Variants in SNTG2 observed in about 807,000 individuals in gnomAD.
The protein encoded by SNTG2 is gamma-2-syntrophin.
A neutral mutation model predicts 70.9 loss-of-function variants in SNTG2; 74 were observed. That is an observed-to-expected ratio of 1.04 (90% confidence interval 0.86 to 1.27). SNTG2 has a LOEUF of 1.27. Ranked by LOEUF, SNTG2 falls within the 50% of genes most tolerant of loss-of-function variation. The probability of loss-of-function intolerance (pLI) is 0.00; values close to 1 mark genes in which losing one functional copy is unlikely to be tolerated. For synonymous variants in SNTG2, 278 were observed against 273.8 expected, an observed-to-expected ratio of 1.02 and a Z score of -0.15; for missense variants, 717 against 690.7, an observed-to-expected ratio of 1.04 and a Z score of -0.43.
Position 1,079,364 on chromosome 2 carries a change from A to G in SNTG2, c.73-4154A>G, listed in dbSNP as rs1664133588. ...TCTCTGGAAAACTAAGGCCAATTTG[A>G]CATAATGTGTGTTAGTATAGAAGAA... On this transcript the variant is annotated intron_variant, in intron 1 of 16. Transcript: ENST00000308624. Among the ~76,000 whole-genome samples the G allele has an allele frequency of 3.9e-5, 6 of 152,226 alleles. No homozygotes were observed. The South Asian group carries it at 1.2e-3, about 32-fold the overall frequency.
intron 1 of SNTG2, among the ~76,000 whole-genome samples, chr2:1,035,604 G>C (rs62104293): frequency 0.073 from 11,085 of 152,256 alleles, 653 homozygotes; most frequent in Admixed American, 0.2. Context: ...TATGGTGTTG[G>C]TTGCTATATC....
At chr2:1,019,207 G>C (rs1660018764) in intron 1 of SNTG2, among the ~76,000 whole-genome samples, 1 of 152,166 alleles carries the variant, frequency 6.6e-6, no homozygotes, top group Non-Finnish European at 1.5e-5. Flanking sequence ...CATGTGATGG[G>C]CAATGAGGTT....
At chr2:1,305,195 T>C (rs1160732375) in intron 14 of SNTG2, among the ~76,000 whole-genome samples, 1 of 152,230 alleles carries the variant, frequency 6.6e-6, no homozygotes, top group Non-Finnish European at 1.5e-5. Flanking sequence ...CTCCATAATT[T>C]CATCAGTAGA....
chr2:1,277,547 T>G (rs549813546), intron 14 of SNTG2, among the ~76,000 whole-genome samples: 11 of 152,380 alleles, frequency 7.2e-5, no homozygotes, highest in African/African-American at 2.6e-4. Flanking sequence ...AATTTTTATA[T>G]GCACCCAGAA....
intron 6 of SNTG2, among the ~76,000 whole-genome samples, chr2:1,146,321 A>T (rs28813491): frequency 6.6e-6 from 1 of 152,232 alleles, no homozygotes; most frequent in Non-Finnish European, 1.5e-5. Flanking sequence ...AAAAGAAATA[A>T]ATTACTTAGG....
At chr2:1,258,802 T>C (rs1678260178) in intron 12 of SNTG2, among the ~76,000 whole-genome samples, 2 of 152,242 alleles carry the variant, frequency 1.3e-5, no homozygotes, top group Non-Finnish European at 2.9e-5. Flanking sequence ...ATTATTATTG[T>C]TAAAATAGTT....
At chr2:974,794 A>G (rs1385457916) in intron 1 of SNTG2, among the ~76,000 whole-genome samples, 2 of 152,088 alleles carry the variant, frequency 1.3e-5, no homozygotes, top group African/African-American at 2.4e-5. Context: ...CCTTGAAGCC[A>G]TAGTTCTGGT....
intron 7 of SNTG2, 119 bp from the exon 8 acceptor site, chr2:1,172,973 C>A: frequency 1.2e-6 from 1 of 842,416 alleles, no homozygotes; most frequent in Non-Finnish European, 2.0e-6. Context: ...CATAACTGGA[C>A]ACCAGGCATT....
intron 1 of SNTG2, among the ~76,000 whole-genome samples, chr2:1,031,844 A>G (rs1007808726): frequency 3.3e-5 from 5 of 152,114 alleles, no homozygotes; most frequent in African/African-American, 1.2e-4. Context: ...GCATAGGTCA[A>G]TCCACAGAAA....
intron 1 of SNTG2, among the ~76,000 whole-genome samples, chr2:1,074,406 G>T (rs955777957): frequency 2.0e-5 from 3 of 152,206 alleles, no homozygotes; most frequent in African/African-American, 4.8e-5. Flanking sequence ...AAGGAAGGAA[G>T]TGATGTGGTT....
chr2:1,316,879 C>T (rs1221312297), intron 16 of SNTG2, among the ~76,000 whole-genome samples: 4 of 87,526 alleles, frequency 4.6e-5, no homozygotes, highest in Admixed American at 1.2e-4. Context: ...TAGCATGAGG[C>T]CAGCATTGGA....
intron 6 of SNTG2, among the ~76,000 whole-genome samples, chr2:1,159,951 T>C (rs1386768178): frequency 6.6e-6 from 1 of 152,176 alleles, no homozygotes; most frequent in African/African-American, 2.4e-5. Flanking sequence ...TTGAAGTAGT[T>C]ACAGAACATT....
Position 1,267,492 on chromosome 2 carries a change from A to C in SNTG2, c.1205A>C (p.Asn402Thr). 1 of 1,613,918 alleles carries C rather than the reference A, an allele frequency of 6.2e-7. No individual in the cohort carries two copies. Among genetic ancestry groups the C allele is most frequent in the Non-Finnish European group, 8.5e-7 (1 of 1,179,892 alleles). ...VAGHGKSHVF[N>T]VELGSELAMW... is the part of the protein sequence containing the mutation. ...GGCCATGGGAAGAGCCATGTTTTCA[A>C]CGTGGAGCTTGGCAGCGAGCTGGCC... is the stretch of plus-strand genomic sequence containing the variant. Residue 402 changes from asparagine (N) to threonine (T), a missense_variant, in exon 14 of 17, where the codon AAC (asparagine) becomes ACC (threonine). Physicochemically the swap from Asn to Thr is moderately conservative, Grantham distance 65 (BLOSUM62 0). Transcript: ENST00000308624.
At position 1,247,431 on chromosome 2, in the gene SNTG2, C is replaced by T. The variant is rs1193373849; in HGVS notation, c.993C>T (p.Phe331=). The change falls in exon 12 of 17, where the codon TTC becomes TTT. Residue 331 remains phenylalanine (F), a synonymous_variant. Coordinates refer to ENST00000308624, the MANE Select transcript of SNTG2 (RefSeq NM_018968.4). ...LALKGPSFYV[F]STPPVSTFDW... ...TGAAGGGCCCGTCCTTCTACGTTTTCAGCACTCCTCCGGTAAGGATGCTTT... is the reference window on the plus strand; with the variant it reads ...TGAAGGGCCCGTCCTTCTACGTTTTTAGCACTCCTCCGGTAAGGATGCTTT... 1 of 1,612,252 alleles carries T rather than the reference C, an allele frequency of 6.2e-7. No individual in the cohort carries two copies. The highest frequency in any genetic ancestry group is 1.1e-5 in the South Asian group (1 of 91,012).
chr2:1,207,500 T>G (rs1384851137), intron 8 of SNTG2, among the ~76,000 whole-genome samples: 1 of 152,200 alleles, frequency 6.6e-6, no homozygotes, highest in African/African-American at 2.4e-5. Flanking sequence ...TCAGTGTCCA[T>G]TCCCCCATCC....
At chr2:1,072,556 C>G (rs144582618) in intron 1 of SNTG2, among the ~76,000 whole-genome samples, 1 of 152,110 alleles carries the variant, frequency 6.6e-6, no homozygotes, top group African/African-American at 2.4e-5. Flanking sequence ...TATTACTACT[C>G]ATTGACAATA....
intron 14 of SNTG2, among the ~76,000 whole-genome samples, chr2:1,281,200 TG>T (rs1679496698): frequency 6.9e-6 from 1 of 145,508 alleles, no homozygotes; most frequent in African/African-American, 2.7e-5. Flanking sequence ...TGTGTGTATG[TG>T]GTGTGTGGTG....
chr2:1,244,695 CAAAA>C (rs558051455), intron 11 of SNTG2, among the ~76,000 whole-genome samples: 41,694 of 87,332 alleles, frequency 0.48, 6,448 homozygotes, highest in East Asian at 0.72. Context: ...GACTCCATCT[CAAAA>C]AAAAAAAAAA....
chr2:1,007,732 C>A (rs547284059), intron 1 of SNTG2, among the ~76,000 whole-genome samples: 1 of 152,260 alleles, frequency 6.6e-6, no homozygotes, highest in East Asian at 1.9e-4. Context: ...GAGTTATAAA[C>A]TCAGTGGACA....
Sources: allele counts gnomAD v4.1 joint callset (sites outside exome capture counted in the v4.1 genomes callset), GRCh38; gene constraint gnomAD v4.1.1; transcripts MANE v1.5; gene names NCBI Gene and HGNC (gene_info 2026-07-23, HGNC 2026-07-21).